Variants in CHID1 observed in about 807,000 individuals in gnomAD.
CHID1 encodes the protein chitinase domain-containing protein 1.
A neutral mutation model predicts 55.4 loss-of-function variants in CHID1; 44 were observed. The observed-to-expected ratio is 0.79, with a 90% CI of 0.62 to 1.02. The LOEUF is 1.02. Among genes scored for constraint, CHID1 ranks in the 50% least tolerant of loss-of-function variants. The pLI is 0.00. For missense variants in CHID1, 491 were observed against 515.3 expected, an observed-to-expected ratio of 0.95 and a Z score of 0.46; for synonymous variants, 216 against 212.9, an observed-to-expected ratio of 1.01 and a Z score of -0.13.
At chr11:887,034 TTCTTC>T (rs977195809) in intron 8 of CHID1, among the ~76,000 whole-genome samples, 3 of 152,182 alleles carry the variant, frequency 2.0e-5, no homozygotes, top group Non-Finnish European at 4.4e-5. Context: ...TTTCTTTCTT[TTCTTC>T]TCTTCTGTTT....
In CHID1 at chr11:910,769, G is replaced by T. The variant is rs1158374058; in HGVS notation, c.-44+6C>A. The T allele has an allele frequency of 3.5e-6, 4 of 1,158,488 alleles. No homozygotes were observed. The highest frequency in any genetic ancestry group is 2.9e-4 in the Middle Eastern group (1 of 3,414). 71.8% of individuals were successfully genotyped at this position (1,158,488 alleles called of 1,614,324 possible). On this transcript the variant is annotated splice_donor_region_variant and intron_variant, in intron 1 of 12. Transcript: ENST00000323578. ...AGGAGCAGGGGCCGGCCGCCGCGGG[G>T]CTCACCTGCATGTCAGGGAGGCCGG...
intron 1 of CHID1, chr11:908,524 C>T (rs531898461): frequency 2.5e-5 from 24 of 968,612 alleles, no homozygotes; most frequent in South Asian, 1.9e-4. Flanking sequence ...ACAGGGAAGA[C>T]GGCCCAGAAT....
intron 9 of CHID1, among the ~76,000 whole-genome samples, chr11:883,554 G>C (rs946530536): frequency 1.3e-5 from 2 of 151,206 alleles, no homozygotes; most frequent in African/African-American, 4.9e-5. Flanking sequence ...GCATGTCCAG[G>C]GCCAGGATCA....
chr11:891,713 C>A (rs914232045), intron 8 of CHID1, among the ~76,000 whole-genome samples: 2 of 152,192 alleles, frequency 1.3e-5, no homozygotes, highest in Non-Finnish European at 1.5e-5. Flanking sequence ...CAGCCCCAGG[C>A]CTGTAGTCCT....
chr11:881,989 G>C (rs1286522473), intron 10 of CHID1, among the ~76,000 whole-genome samples: 1 of 147,218 alleles, frequency 6.8e-6, no homozygotes, highest in Non-Finnish European at 1.5e-5. Context: ...GGACGACAGG[G>C]TGAGACCCTG....
chr11:886,075 CG>C (rs1329400748), intron 8 of CHID1, among the ~76,000 whole-genome samples: 1 of 144,844 alleles, frequency 6.9e-6, no homozygotes, highest in Non-Finnish European at 1.5e-5. Flanking sequence ...CGTGTGAAAC[CG>C]GGAAGTGAAG....
At chr11:906,756 C>T (rs928030770) in intron 1 of CHID1, among the ~76,000 whole-genome samples, 3 of 152,148 alleles carry the variant, frequency 2.0e-5, no homozygotes, top group Admixed American at 1.3e-4. Context: ...AGCCTGGGCG[C>T]GGGGGCTCAC....
intron 7 of CHID1, among the ~76,000 whole-genome samples, chr11:899,081 T>C (rs1018141407): frequency 1.3e-5 from 2 of 152,222 alleles, no homozygotes; most frequent in Admixed American, 1.3e-4. Flanking sequence ...AAGGGAGGCA[T>C]CAGGCCTGGC....
chr11:910,088 C>A (rs1852542176), intron 1 of CHID1, among the ~76,000 whole-genome samples: 1 of 151,874 alleles, frequency 6.6e-6, no homozygotes, highest in Non-Finnish European at 1.5e-5. Context: ...TAGCTGAGTG[C>A]GCTGGCGCAC....
chr11:887,377 C>G (rs1306552753), intron 8 of CHID1, among the ~76,000 whole-genome samples: 1 of 152,208 alleles, frequency 6.6e-6, no homozygotes, highest in Non-Finnish European at 1.5e-5. Flanking sequence ...CTCTAGCTCT[C>G]TCAGGTGGTC....
intron 8 of CHID1, among the ~76,000 whole-genome samples, chr11:889,484 C>T (rs1373732913): frequency 6.6e-6 from 1 of 152,208 alleles, no homozygotes; most frequent in Non-Finnish European, 1.5e-5. Context: ...TGCACTCCAG[C>T]TACCAGACCC....
intron 5 of CHID1, 137 bp downstream of exon 5, chr11:900,799 A>C: frequency 1.5e-6 from 1 of 679,290 alleles, no homozygotes; most frequent in African/African-American, 1.9e-5. Flanking sequence ...GGCCAGCCTC[A>C]TCTCTGAGCG....
chr11:880,746 G>A (rs1048612235), intron 10 of CHID1, among the ~76,000 whole-genome samples: 1 of 152,212 alleles, frequency 6.6e-6, no homozygotes, highest in Non-Finnish European at 1.5e-5. Context: ...CCCTCACGGA[G>A]GGCAGGCCTG....
In CHID1 at chr11:896,399, C is replaced by T. The variant is rs538895705; in HGVS notation, c.609-2880G>A. Among the ~76,000 whole-genome samples the T allele has an allele frequency of 2.1e-3, 294 of 142,412 alleles. 6 individuals carry two copies. The highest frequency in any genetic ancestry group is 8.0e-3 in the African/African-American group (287 of 35,786). The allele number at this position is 142,412 out of a possible 152,430, so 93.4% of individuals were successfully genotyped here. On this transcript the variant is annotated intron_variant, in intron 7 of 12. Transcript: ENST00000323578. Reference sequence around the variant, plus strand: ...CACAACAAGCCTGTCTCAGCACCCCCAGCCTCCAATCCAGACACAACGAGC... The same window carrying T: ...CACAACAAGCCTGTCTCAGCACCCCTAGCCTCCAATCCAGACACAACGAGC...
At chr11:896,070 G>A (rs1242951829) in intron 7 of CHID1, among the ~76,000 whole-genome samples, 2 of 151,728 alleles carry the variant, frequency 1.3e-5, no homozygotes, top group Non-Finnish European at 2.9e-5. Context: ...CAACGAGGCC[G>A]TCTCAGCACC....
intron 8 of CHID1, 48 bp from the exon 9 acceptor site, chr11:884,217 A>C (rs1850229345): frequency 1.4e-6 from 2 of 1,472,238 alleles, no homozygotes. Context: ...CCCTGCCTGA[A>C]GCCCCTCCCC....
In CHID1 at chr11:900,083, G is replaced by A. The variant is rs757397947; in HGVS notation, c.467C>T (p.Thr156Ile). ...IVPRLLFEDW[T>I]YDDFRNVLDS... ...TAAGACGTTCCGGAAATCATCGTAA[G>A]TCCAGTCCTCAAACAGGAGCCGAGG... is the stretch of plus-strand genomic sequence containing the variant. Residue 156 changes from threonine to isoleucine, a missense_variant, in exon 6 of 13, where the codon ACT becomes ATT. Thr to Ile is a moderately conservative substitution (Grantham distance 89). Coordinates refer to ENST00000323578, the MANE Select transcript of CHID1 (RefSeq NM_023947.4). 1 of 1,614,006 alleles carries A rather than the reference G, an allele frequency of 6.2e-7. No homozygotes were observed. The highest frequency in any genetic ancestry group is 8.5e-7 in the Non-Finnish European group (1 of 1,179,986).
chr11:884,041 C>T, intron 9 of CHID1, 27 bp downstream of exon 9: 7 of 1,574,508 alleles, frequency 4.4e-6, no homozygotes, highest in Non-Finnish European at 6.1e-6. Context: ...TTTGCTGTGC[C>T]CAGGAGCCCC....
chr11:893,308 G>T, intron 8 of CHID1, 119 bp downstream of exon 8: 2 of 753,788 alleles, frequency 2.7e-6, no homozygotes, highest in South Asian at 1.8e-5. Context: ...CTATACAGAC[G>T]GGATGAGGTT....
Sources: allele counts gnomAD v4.1 joint callset (sites outside exome capture counted in the v4.1 genomes callset), GRCh38; gene constraint gnomAD v4.1.1; transcripts MANE v1.5; gene names NCBI Gene and HGNC (gene_info 2026-07-23, HGNC 2026-07-21).